ZNF804B: variants seen among roughly 807,000 people sequenced by gnomAD.
ZNF804B encodes the protein zinc finger 804B.
ZNF804B carries 80 observed loss-of-function variants against 101.4 expected under a neutral mutation model. The ratio of observed to expected loss-of-function variants is 0.79; its 90% CI spans 0.66 to 0.95. ZNF804B has a LOEUF of 0.95. Among genes scored for constraint, ZNF804B ranks in the 40% least tolerant of loss-of-function variants. ZNF804B has a pLI of 0.00. For synonymous variants in ZNF804B, 622 were observed against 558.8 expected (o/e 1.11, Z -1.59); for missense variants, 1,673 against 1,561.9 (o/e 1.07, Z -1.20).
At chr7:88,862,808 C>A (rs1791669605) in intron 1 of ZNF804B, among the ~76,000 whole-genome samples, 1 of 151,872 alleles carries the variant, frequency 6.6e-6, no homozygotes, top group Admixed American at 6.6e-5. Context: ...TTTAGCTTTT[C>A]CTGCTTCACA....
rs186028572 is a variant in ZNF804B at position 89,220,052 on chromosome 7, T to C, written c.249+1757T>C. ...ATATACGCACATATATGTGCATATA[T>C]ACATATATACGCACATATATGTGTA... On this transcript the variant is annotated intron_variant, in intron 2 of 3. Coordinates refer to ENST00000333190, the MANE Select transcript of ZNF804B (RefSeq NM_181646.5). 4.4e-5 allele frequency among the ~76,000 whole-genome samples: 6 copies of C among 136,366 alleles called. 1 individual carries two copies. The highest frequency in any genetic ancestry group is 1.4e-4 in the African/African-American group (5 of 34,820). 89.5% of individuals were successfully genotyped at this position (136,366 alleles called of 152,430 possible). A position where few individuals can be genotyped will look rare whatever the true frequency, so the allele number is the denominator to read the frequency against.
At chr7:89,169,367 G>A (rs185349832) in intron 1 of ZNF804B, among the ~76,000 whole-genome samples, 20 of 152,236 alleles carry the variant, frequency 1.3e-4, no homozygotes, top group Admixed American at 1.0e-3. Flanking sequence ...CTCCACCTGT[G>A]CTCTCAGGCA....
At chr7:88,838,450 C>A (rs2115798941) in intron 1 of ZNF804B, among the ~76,000 whole-genome samples, 1 of 151,802 alleles carries the variant, frequency 6.6e-6, no homozygotes, top group South Asian at 2.1e-4. Context: ...CATGGGATAT[C>A]CTTGTTGAAG....
intron 1 of ZNF804B, among the ~76,000 whole-genome samples, chr7:89,108,791 T>A (rs1334759307): frequency 1.3e-5 from 2 of 151,702 alleles, no homozygotes; most frequent in Non-Finnish European, 2.9e-5. Flanking sequence ...TCAAGAAGAG[T>A]GCTCACAAAA....
rs150141147 is a variant in ZNF804B, at chr7:88,975,473, A to G, written c.108+215389A>G. ...CTTGTCTTTTAGGAAAAAAAAAGTG[A>G]TTTTAACAAGGATGAGAAAGTATCT... On this transcript the variant is annotated intron_variant, in intron 1 of 3. Coordinates refer to ENST00000333190, the MANE Select transcript of ZNF804B (RefSeq NM_181646.5). Among the ~76,000 whole-genome samples the G allele has an allele frequency of 8.1e-4, 123 of 151,498 alleles. 2 individuals are homozygous for G. In the East Asian group the frequency reaches 0.023, roughly 28 times the overall value.
intron 1 of ZNF804B, among the ~76,000 whole-genome samples, chr7:89,168,022 A>G (rs550328745): frequency 6.6e-6 from 1 of 152,164 alleles, no homozygotes; most frequent in African/African-American, 2.4e-5. Context: ...AAGTACCAAT[A>G]ATATATATTT....
rs143566213 is a variant in ZNF804B, at chr7:89,222,472, A to G, written c.249+4177A>G. Reference sequence around the variant, plus strand: ...CCATTTATATGATCACTCTTTTCCTAGGAAATCTTTAGTGCTTGATGACTG... The same window carrying G: ...CCATTTATATGATCACTCTTTTCCTGGGAAATCTTTAGTGCTTGATGACTG... On this transcript the variant is annotated intron_variant, in intron 2 of 3. Transcript: ENST00000333190. 3.8e-3 allele frequency among the ~76,000 whole-genome samples: 576 copies of G among 152,052 alleles called. 3 individuals carry two copies. Among genetic ancestry groups the G allele is most frequent in the African/African-American group, 0.013 (553 of 41,548 alleles).
At chr7:89,229,597 A>G (rs1475213363) in intron 2 of ZNF804B, among the ~76,000 whole-genome samples, 2 of 152,248 alleles carry the variant, frequency 1.3e-5, no homozygotes, top group Non-Finnish European at 2.9e-5. Flanking sequence ...AGAGAAACAG[A>G]TGAATCCACT....
chr7:89,173,862 C>T (rs1380282323), intron 1 of ZNF804B, among the ~76,000 whole-genome samples: 6 of 152,000 alleles, frequency 3.9e-5, no homozygotes, highest in Non-Finnish European at 4.4e-5. Flanking sequence ...GGGACTGTGA[C>T]ACAGCATGAT....
chr7:88,877,014 A>G (rs1236855003), intron 1 of ZNF804B, among the ~76,000 whole-genome samples: 4 of 68,484 alleles, frequency 5.8e-5, no homozygotes, highest in African/African-American at 1.7e-4. Flanking sequence ...AAAAATATAT[A>G]TATATATATA....
chr7:88,857,822 C>CTTTT (rs55841922), intron 1 of ZNF804B, among the ~76,000 whole-genome samples: 2,882 of 81,398 alleles, frequency 0.035, 389 homozygotes, highest in Non-Finnish European at 0.045. Context: ...CCTTTCTTTT[C>CTTTT]TTTTTTTTTT....
chr7:89,333,166 A>C (rs1397544231), intron 3 of ZNF804B, among the ~76,000 whole-genome samples, 197 bp from the exon 4 acceptor site: 1 of 151,994 alleles, frequency 6.6e-6, no homozygotes, highest in Non-Finnish European at 1.5e-5. Flanking sequence ...AAAATACTAC[A>C]TGTAAACAAT....
rs1788904156 is a variant in ZNF804B, at chr7:89,216,888, C to T, written c.109-1267C>T. ...AAATCCATTCTTTAGTTTGTTCATT[C>T]ATTCTTTATACATATTTACTTGGTA... On this transcript the variant is annotated intron_variant, in intron 1 of 3. Coordinates refer to ENST00000333190, the MANE Select transcript of ZNF804B (RefSeq NM_181646.5). Among the ~76,000 whole-genome samples, 3 of 152,282 alleles carry T rather than the reference C, an allele frequency of 2.0e-5. No individual in the cohort carries two copies. In the South Asian group the frequency reaches 6.2e-4, roughly 32 times the overall value.
At position 89,337,387 on chromosome 7, in the gene ZNF804B, C is replaced by A. The variant is rs1369201454; in HGVS notation, c.*355C>A. 6.6e-6 allele frequency among the ~76,000 whole-genome samples: 1 copy of A among 152,010 alleles called. No homozygotes were observed. The highest frequency in any genetic ancestry group is 6.6e-5 in the Admixed American group (1 of 15,242). ...GAAAAATCAAATGAAATATGGCACC[C>A]TGCGTTCTAAGTATTTGTTGTGTGA... On this transcript the variant is annotated 3_prime_UTR_variant, in exon 4 of 4. Coordinates refer to ENST00000333190, the MANE Select transcript of ZNF804B (RefSeq NM_181646.5).
At chr7:89,211,448 G>T (rs191103682) in intron 1 of ZNF804B, among the ~76,000 whole-genome samples, 1 of 152,072 alleles carries the variant, frequency 6.6e-6, no homozygotes, top group Non-Finnish European at 1.5e-5. Context: ...CTGTGCCTGT[G>T]TCTTGAATGC....
intron 1 of ZNF804B, among the ~76,000 whole-genome samples, chr7:89,064,559 T>G (rs542298096): frequency 2.0e-5 from 3 of 152,306 alleles, no homozygotes; most frequent in Admixed American, 2.0e-4. Flanking sequence ...ATGGATTGAT[T>G]GTTCCTTTAT....
chr7:89,065,777 C>T lies in ZNF804B; in HGVS notation c.109-152378C>T, dbSNP rs865993555. Among the ~76,000 whole-genome samples the T allele has an allele frequency of 3.3e-5, 5 of 152,220 alleles. No homozygotes were observed. In the South Asian group the frequency reaches 8.3e-4, roughly 25 times the overall value. ...TCCCAGGGTTGTAACTCCTTCTTCA[C>T]ATCATCTCAACCTTTTACTTCCATC... is the stretch of plus-strand genomic sequence containing the variant. On this transcript the variant is annotated intron_variant, in intron 1 of 3. Transcript: ENST00000333190.
intron 1 of ZNF804B, among the ~76,000 whole-genome samples, chr7:89,028,679 A>C (rs1788785746): frequency 6.6e-6 from 1 of 152,162 alleles, no homozygotes; most frequent in African/African-American, 2.4e-5. Context: ...AATGATTAAA[A>C]TTATGCTTTG....
At chr7:89,283,883 A>T (rs1790136398) in intron 2 of ZNF804B, among the ~76,000 whole-genome samples, 1 of 152,094 alleles carries the variant, frequency 6.6e-6, no homozygotes, top group Non-Finnish European at 1.5e-5. Context: ...TTGATGGTTT[A>T]AAAAACTTCA....
Sources: gnomAD v4.1 joint callset for allele counts (sites outside exome capture counted in the v4.1 genomes callset) on GRCh38, gnomAD v4.1.1 for gene constraint, MANE v1.5 for transcripts, NCBI Gene and HGNC (gene_info 2026-07-23, HGNC 2026-07-21) for gene names.